Variants in SMC3 observed in about 807,000 individuals in gnomAD.
The protein encoded by SMC3 is structural maintenance of chromosomes protein 3.
In SMC3, 20 loss-of-function variants were observed where a neutral mutation model predicts 171.8. That is an observed-to-expected ratio of 0.12 (90% CI 0.08 to 0.17). The LOEUF (loss-of-function observed/expected upper bound fraction) is 0.17, where lower values mean the gene tolerates loss of function less well. Ranked by LOEUF, SMC3 falls within the 10% of genes least tolerant of loss-of-function variation. SMC3 has a pLI of 1.00. For synonymous variants in SMC3, 464 were observed against 451.1 expected (o/e 1.03, Z -0.36); for missense variants, 543 against 1,420.4 (o/e 0.38, Z 9.93).
At chr10:110,595,847 CCTA>C (rs774287289) in intron 18 of SMC3, among the ~76,000 whole-genome samples, 2 of 149,430 alleles carry the variant, frequency 1.3e-5, no homozygotes, top group African/African-American at 2.5e-5. Context: ...GGTCCTGTGT[CCTA>C]CTAATATTTC....
At chr10:110,592,653 T>G (rs1302097984) in intron 17 of SMC3, among the ~76,000 whole-genome samples, 1 of 152,254 alleles carries the variant, frequency 6.6e-6, no homozygotes, top group African/African-American at 2.4e-5. Flanking sequence ...ATGTGAGAGA[T>G]ACTATCGTAA....
chr10:110,587,445 G>C (rs777036284), intron 13 of SMC3, among the ~76,000 whole-genome samples: 8 of 152,154 alleles, frequency 5.3e-5, no homozygotes, highest in African/African-American at 7.2e-5. Context: ...ACTTTGGGAG[G>C]CCGAGGTGGA....
At chr10:110,590,019 T>C in intron 15 of SMC3, 28 bp downstream of exon 15, 1 of 1,565,674 alleles carries the variant, frequency 6.4e-7, no homozygotes, top group Non-Finnish European at 8.8e-7. Flanking sequence ...ATCACCTCTG[T>C]TTACACTGAG....
chr10:110,570,028 C>G (rs1187122644), intron 2 of SMC3, among the ~76,000 whole-genome samples: 3 of 152,146 alleles, frequency 2.0e-5, no homozygotes, highest in Non-Finnish European at 4.4e-5. Flanking sequence ...AGACTGGTGG[C>G]TTAAACAAGA....
intron 10 of SMC3, 26 bp from the exon 11 acceptor site, chr10:110,583,355 CTTA>C (rs753883713): frequency 9.4e-6 from 15 of 1,588,086 alleles, no homozygotes; most frequent in Non-Finnish European, 1.3e-5. Flanking sequence ...TTCTAATTGC[CTTA>C]TTTTCTGTTT....
rs1861457647 is a variant in SMC3 at position 110,605,668 on chromosome 10, CTG to C, written c.*1367_*1368del. On this transcript the variant is annotated 3_prime_UTR_variant, in exon 29 of 29. Coordinates refer to ENST00000361804, the MANE Select transcript of SMC3 (RefSeq NM_005445.4). The stretch of plus-strand genomic sequence containing the variant: ...ACTTTGTAGCTTTGCTATAACATAA[CTG>C]ATCTATAATAGAGAATTTGGTATAT... Among the ~76,000 whole-genome samples the C allele has an allele frequency of 6.6e-6, 1 of 152,168 alleles. No individual in the cohort carries two copies.
At position 110,567,784 on chromosome 10, in the gene SMC3, G is replaced by A. The variant is rs752293817; in HGVS notation, c.-33G>A. 2 of 1,613,296 alleles carry A rather than the reference G, an allele frequency of 1.2e-6. No homozygotes were observed. The highest frequency in any genetic ancestry group is 1.3e-5 in the African/African-American group (1 of 75,054). Reference sequence around the variant, plus strand: ...GCGGCCGTGCGGTTGCTGCTCCGGGGCAGGTCTCCTTCCAGGCCAGGGGCC... The same window carrying A: ...GCGGCCGTGCGGTTGCTGCTCCGGGACAGGTCTCCTTCCAGGCCAGGGGCC... On this transcript the variant is annotated 5_prime_UTR_variant, in exon 1 of 29. Transcript: ENST00000361804.
intron 18 of SMC3, among the ~76,000 whole-genome samples, chr10:110,593,437 T>C (rs2134740513): frequency 6.6e-6 from 1 of 152,220 alleles, no homozygotes; most frequent in African/African-American, 2.4e-5. Flanking sequence ...CTGGGTGTGG[T>C]GGTGTGCACC....
At chr10:110,583,190 C>T (rs75137358) in intron 10 of SMC3, among the ~76,000 whole-genome samples, 194 bp from the exon 11 acceptor site, 1 of 151,984 alleles carries the variant, frequency 6.6e-6, no homozygotes, top group Non-Finnish European at 1.5e-5. Flanking sequence ...CCATGTCCAG[C>T]CATCGTATGT....
At chr10:110,575,512 A>G in intron 4 of SMC3, 109 bp downstream of exon 4, 1 of 839,952 alleles carries the variant, frequency 1.2e-6, no homozygotes, top group Non-Finnish European at 1.9e-6. Context: ...TTTGTGAACA[A>G]GACACAATCT....
rs1564794840 is a variant in SMC3, at chr10:110,598,304, TC to T, written c.2268+15del. 6.2e-7 allele frequency: 1 copy of T among 1,611,118 alleles called. No individual in the cohort carries two copies. Among genetic ancestry groups the T allele is most frequent in the Non-Finnish European group, 8.5e-7 (1 of 1,177,532 alleles). ...TTCATGCCTAAGGTTCGTAAGTATA[TC>T]TTTGGTTATAGATCGATTGTTACAG... On this transcript the variant is annotated intron_variant, in intron 20 of 28. Transcript: ENST00000361804.
intron 14 of SMC3, 24 bp from the exon 15 acceptor site, chr10:110,589,868 G>A: frequency 6.3e-7 from 1 of 1,598,950 alleles, no homozygotes; most frequent in African/African-American, 1.3e-5. Context: ...TAAAATTAAA[G>A]ACAGTCTACT....
chr10:110,603,051 ATAT>A (rs760314411), intron 27 of SMC3, 49 bp downstream of exon 27: 4 of 1,588,488 alleles, frequency 2.5e-6, no homozygotes, highest in Non-Finnish European at 3.5e-6. Flanking sequence ...TAAGCTGGTA[ATAT>A]TTGCTGATGT....
intron 13 of SMC3, among the ~76,000 whole-genome samples, chr10:110,588,726 A>C (rs961828026): frequency 6.6e-6 from 1 of 152,216 alleles, no homozygotes; most frequent in Non-Finnish European, 1.5e-5. Context: ...TTTTCAGCTC[A>C]GTATAGTCTA....
intron 18 of SMC3, among the ~76,000 whole-genome samples, chr10:110,595,723 A>G (rs1861289034): frequency 7.2e-6 from 1 of 139,166 alleles, no homozygotes; most frequent in Non-Finnish European, 1.6e-5. Context: ...TTTTTTAAAA[A>G]AGTATCACTG....
intron 17 of SMC3, among the ~76,000 whole-genome samples, chr10:110,592,756 G>C (rs187506707): frequency 6.6e-6 from 1 of 152,130 alleles, no homozygotes; most frequent in Non-Finnish European, 1.5e-5. Context: ...TATTATCTGA[G>C]GAAGTTAAGC....
At chr10:110,595,127 C>T (rs756907924) in intron 18 of SMC3, among the ~76,000 whole-genome samples, 3 of 151,900 alleles carry the variant, frequency 2.0e-5, no homozygotes, top group Non-Finnish European at 4.4e-5. Context: ...GGATTACAGA[C>T]ATGCGCCACT....
intron 4 of SMC3, 146 bp from the exon 5 acceptor site, chr10:110,577,275 G>C (rs1239670464): frequency 1.5e-6 from 1 of 678,496 alleles, no homozygotes; most frequent in African/African-American, 1.8e-5. Flanking sequence ...AGAGACGTTA[G>C]ATTAGTGTGT....
chr10:110,587,292 C>G (rs1861135683), intron 13 of SMC3, among the ~76,000 whole-genome samples: 1 of 152,270 alleles, frequency 6.6e-6, no homozygotes, highest in African/African-American at 2.4e-5. Context: ...AGGTAGCTTA[C>G]TTTATTACTG....
Sources: gnomAD v4.1 joint callset for allele counts (sites outside exome capture counted in the v4.1 genomes callset) on GRCh38, gnomAD v4.1.1 for gene constraint, MANE v1.5 for transcripts, NCBI Gene and HGNC (gene_info 2026-07-23, HGNC 2026-07-21) for gene names.